SGCZ: variants seen among roughly 807,000 people sequenced by gnomAD.
SGCZ encodes the protein sarcoglycan zeta.
In SGCZ, 40 loss-of-function variants were observed where a neutral mutation model predicts 41.3. The observed-to-expected ratio is 0.97, with a 90% CI of 0.75 to 1.26. The LOEUF (loss-of-function observed/expected upper bound fraction) is 1.26. Among genes scored for constraint, SGCZ ranks in the 50% most tolerant of loss-of-function variants. The pLI is 0.00. For missense variants in SGCZ, 552 were observed against 369.8 expected (o/e 1.49, Z -4.04); for synonymous variants, 206 against 137.5 (o/e 1.50, Z -3.49).
At chr8:14,720,856 T>C (rs1383518065) in intron 1 of SGCZ, among the ~76,000 whole-genome samples, 3 of 152,076 alleles carry the variant, frequency 2.0e-5, no homozygotes, top group South Asian at 2.1e-4. Context: ...ATATTTCTTC[T>C]ACTGTTTTGT....
chr8:14,617,824 A>G (rs796500099), intron 1 of SGCZ, among the ~76,000 whole-genome samples: 3 of 147,158 alleles, frequency 2.0e-5, no homozygotes, highest in Admixed American at 7.0e-5. Context: ...ATGGAAAAGT[A>G]AGTTTTTATA....
intron 1 of SGCZ, among the ~76,000 whole-genome samples, chr8:14,581,805 G>A (rs1804898917): frequency 6.6e-6 from 1 of 151,806 alleles, no homozygotes; most frequent in Admixed American, 6.6e-5. Flanking sequence ...AAAGAAAACT[G>A]AAGTATACTA....
intron 2 of SGCZ, among the ~76,000 whole-genome samples, chr8:14,468,027 T>C (rs2116970436): frequency 6.6e-6 from 1 of 152,192 alleles, no homozygotes; most frequent in Middle Eastern, 3.4e-3. Flanking sequence ...TAAGTGTTAA[T>C]AAAAAATGTA....
intron 2 of SGCZ, among the ~76,000 whole-genome samples, chr8:14,498,800 T>C (rs1258129394): frequency 6.6e-6 from 1 of 152,048 alleles, no homozygotes; most frequent in African/African-American, 2.4e-5. Flanking sequence ...TAAATCTCCA[T>C]ATTATTGTTT....
intron 7 of SGCZ, among the ~76,000 whole-genome samples, chr8:14,097,987 A>G (rs1801896277): frequency 6.6e-6 from 1 of 152,124 alleles, no homozygotes; most frequent in African/African-American, 2.4e-5. Flanking sequence ...TTAAAGTGGT[A>G]TTTTATAGCC....
chr8:14,850,984 T>C (rs1803297616), intron 1 of SGCZ, among the ~76,000 whole-genome samples: 1 of 152,184 alleles, frequency 6.6e-6, no homozygotes, highest in Non-Finnish European at 1.5e-5. Context: ...TGGGCAATTC[T>C]TCATAGCTGT....
At position 15,036,789 on chromosome 8, in the gene SGCZ, C is replaced by CA. The variant is rs530611311; in HGVS notation, c.39+200795dup. ...GGACAATATCTAGAAAAGGACACTA[C>CA]AAAAAAAAATTATGGGCCAATATCC... On this transcript the variant is annotated intron_variant, in intron 1 of 7. Coordinates refer to ENST00000382080, the MANE Select transcript of SGCZ (RefSeq NM_139167.4). Among the ~76,000 whole-genome samples the CA allele has an allele frequency of 2.1e-4, 31 of 150,800 alleles. No individual in the cohort carries two copies. In the South Asian group the frequency reaches 3.4e-3, roughly 16 times the overall value.
intron 1 of SGCZ, among the ~76,000 whole-genome samples, chr8:14,912,544 A>G (rs1799306624): frequency 6.6e-6 from 1 of 152,094 alleles, no homozygotes; most frequent in Admixed American, 6.6e-5. Context: ...ACAACATAAG[A>G]TGGAATATAG....
At chr8:14,460,295 A>C (rs887243136) in intron 2 of SGCZ, among the ~76,000 whole-genome samples, 11 of 152,216 alleles carry the variant, frequency 7.2e-5, no homozygotes, top group African/African-American at 2.7e-4. Flanking sequence ...TCCAAGCTAA[A>C]AGAGTTATTC....
chr8:14,297,399 A>G (rs1017281864), intron 3 of SGCZ, among the ~76,000 whole-genome samples: 1 of 152,012 alleles, frequency 6.6e-6, no homozygotes, highest in African/African-American at 2.4e-5. Context: ...ATATATAGAA[A>G]TAAGTAATTA....
intron 2 of SGCZ, among the ~76,000 whole-genome samples, chr8:14,380,074 G>A (rs532104748): frequency 6.6e-6 from 1 of 152,172 alleles, no homozygotes; most frequent in East Asian, 1.9e-4. Context: ...TATTAATATT[G>A]CTGATCTTAT....
chr8:14,155,829 T>C (rs1413121551), intron 5 of SGCZ, among the ~76,000 whole-genome samples: 1 of 151,968 alleles, frequency 6.6e-6, no homozygotes, highest in Non-Finnish European at 1.5e-5. Context: ...CATCACAGAG[T>C]GTATTTACCA....
chr8:15,165,889 A>G (rs761185935), intron 1 of SGCZ, among the ~76,000 whole-genome samples: 6 of 152,248 alleles, frequency 3.9e-5, no homozygotes, highest in Non-Finnish European at 5.9e-5. Flanking sequence ...TAAATTGAGC[A>G]CTGAAATAAA....
chr8:15,040,266 G>C (rs1334324286), intron 1 of SGCZ, among the ~76,000 whole-genome samples: 1 of 152,120 alleles, frequency 6.6e-6, no homozygotes, highest in African/African-American at 2.4e-5. Flanking sequence ...AATATAGTAG[G>C]AATATATCAT....
At chr8:14,315,317 G>T (rs1257473686) in intron 3 of SGCZ, among the ~76,000 whole-genome samples, 1 of 152,122 alleles carries the variant, frequency 6.6e-6, no homozygotes, top group Non-Finnish European at 1.5e-5. Flanking sequence ...GCAAATATTT[G>T]TTTTTGATTG....
chr8:15,167,736 CAT>C (rs1188306457), intron 1 of SGCZ, among the ~76,000 whole-genome samples: 2 of 151,972 alleles, frequency 1.3e-5, no homozygotes, highest in Non-Finnish European at 2.9e-5. Context: ...ATATATTTGT[CAT>C]TAAATTCTAA....
chr8:14,346,139 G>C (rs1432627278), intron 2 of SGCZ, among the ~76,000 whole-genome samples: 4 of 152,010 alleles, frequency 2.6e-5, no homozygotes, highest in African/African-American at 9.7e-5. Flanking sequence ...TGACTCATCA[G>C]TTGTAACAAA....
intron 2 of SGCZ, among the ~76,000 whole-genome samples, chr8:14,348,686 T>C (rs1349867741): frequency 2.0e-5 from 3 of 152,142 alleles, no homozygotes; most frequent in African/African-American, 4.8e-5. Context: ...GTTGGAAAGA[T>C]ATCTAACACA....
intron 1 of SGCZ, among the ~76,000 whole-genome samples, chr8:14,751,119 C>T (rs1361214486): frequency 2.0e-5 from 3 of 152,034 alleles, no homozygotes; most frequent in Non-Finnish European, 4.4e-5. Context: ...AGATGTTAGC[C>T]TATTTTTAAG....
Sources: gnomAD v4.1 joint callset for allele counts (sites outside exome capture counted in the v4.1 genomes callset) on GRCh38, gnomAD v4.1.1 for gene constraint, MANE v1.5 for transcripts, NCBI Gene and HGNC (gene_info 2026-07-23, HGNC 2026-07-21) for gene names.